Variants in DECR1 observed in about 807,000 individuals in gnomAD.
DECR1 encodes the protein 2,4-dienoyl-CoA reductase 1, also known as 2,4-dienoyl-CoA reductase [(3E)-enoyl-CoA-producing], mitochondrial.
In DECR1, 44 loss-of-function variants were observed where a neutral mutation model predicts 38.8. That is an observed-to-expected ratio of 1.13 (90% CI 0.89 to 1.46). The LOEUF (loss-of-function observed/expected upper bound fraction) is 1.46. Among genes scored for constraint, DECR1 ranks in the 40% most tolerant of loss-of-function variants. The probability of loss-of-function intolerance (pLI) is 0.00; values close to 1 mark genes in which losing one functional copy is unlikely to be tolerated. For missense variants in DECR1, 428 were observed against 405.5 expected (o/e 1.06, Z -0.48); for synonymous variants, 148 against 135.2 (o/e 1.09, Z -0.66).
chr8:90,025,906 A>T (rs1433354909), intron 5 of DECR1, among the ~76,000 whole-genome samples: 1 of 152,056 alleles, frequency 6.6e-6, no homozygotes, highest in Non-Finnish European at 1.5e-5. Flanking sequence ...ATCAATACCT[A>T]ATTTATTGAG....
intron 5 of DECR1, among the ~76,000 whole-genome samples, chr8:90,035,087 A>G (rs968174925): frequency 3.3e-5 from 5 of 151,960 alleles, no homozygotes; most frequent in African/African-American, 1.2e-4. Context: ...GACAATGAAA[A>G]TTTTTGTCTG....
At chr8:90,034,952 A>G (rs1213991265) in intron 5 of DECR1, among the ~76,000 whole-genome samples, 1 of 152,102 alleles carries the variant, frequency 6.6e-6, no homozygotes, top group Non-Finnish European at 1.5e-5. Flanking sequence ...TATCATTTTC[A>G]TATCACCTTG....
intron 5 of DECR1, among the ~76,000 whole-genome samples, chr8:90,033,580 C>T (rs1381000815): frequency 6.6e-6 from 1 of 152,142 alleles, no homozygotes; most frequent in Non-Finnish European, 1.5e-5. Flanking sequence ...AATTGTTTCA[C>T]CTTGCAGCAT....
rs748763136 is a variant in DECR1 at position 90,042,705 on chromosome 8, ATGTT to A, written c.666-22_666-19del. The A allele has an allele frequency of 6.3e-7, 1 of 1,590,128 alleles. No individual in the cohort carries two copies. Among genetic ancestry groups the A allele is most frequent in the Non-Finnish European group, 8.6e-7 (1 of 1,158,844 alleles). On this transcript the variant is annotated intron_variant, in intron 6 of 9. Coordinates refer to ENST00000220764, the MANE Select transcript of DECR1 (RefSeq NM_001359.2). ...CATATGGTATAATATTTCAGAATGT[ATGTT>A]GTTGATTTTAATTTTTAGGTCTCTT...
chr8:90,020,540 C>A (rs1254038265), intron 4 of DECR1, among the ~76,000 whole-genome samples: 1 of 152,112 alleles, frequency 6.6e-6, no homozygotes, highest in African/African-American at 2.4e-5. Context: ...AGGCACGTGC[C>A]ACCACACCCA....
intron 5 of DECR1, among the ~76,000 whole-genome samples, chr8:90,032,021 T>C (rs965664088): frequency 5.9e-5 from 9 of 152,230 alleles, no homozygotes; most frequent in African/African-American, 2.2e-4. Flanking sequence ...ATATATCATA[T>C]GCTTATAATT....
At position 90,051,837 on chromosome 8, in the gene DECR1, G is replaced by A. The variant is rs762811591; in HGVS notation, c.949-1G>A. On this transcript the variant is annotated splice_acceptor_variant, in intron 9 of 9. Coordinates refer to ENST00000220764, the MANE Select transcript of DECR1 (RefSeq NM_001359.2). LOFTEE classifies it high-confidence loss of function. Reference sequence around the variant, plus strand: ...TTAAATTGACATCTTTTTTGTGTTAGGTCACCAAGGAGCAGTGGGACACCA... The same window carrying A: ...TTAAATTGACATCTTTTTTGTGTTAAGTCACCAAGGAGCAGTGGGACACCA... 3.1e-6 allele frequency: 5 copies of A among 1,613,594 alleles called. No individual in the cohort carries two copies. Among genetic ancestry groups the A allele is most frequent in the Non-Finnish European group, 4.2e-6 (5 of 1,179,808 alleles).
intron 5 of DECR1, among the ~76,000 whole-genome samples, chr8:90,031,084 A>G (rs984614864): frequency 1.3e-5 from 2 of 152,156 alleles, no homozygotes; most frequent in Admixed American, 6.6e-5. Context: ...ATAGTAGTTA[A>G]GAGTGCAGGC....
intron 2 of DECR1, 98 bp downstream of exon 2, chr8:90,017,424 A>G: frequency 1.3e-6 from 1 of 772,254 alleles, no homozygotes; most frequent in South Asian, 2.5e-5. Context: ...TTTGATTAGC[A>G]TCTTAATCTT....
At chr8:90,038,141 T>A (rs1586160289) in intron 6 of DECR1, among the ~76,000 whole-genome samples, 2 of 152,256 alleles carry the variant, frequency 1.3e-5, no homozygotes, top group East Asian at 3.8e-4. Context: ...GTCCTCGTTG[T>A]TAGCTGAGCT....
chr8:90,032,775 C>T (rs902098527), intron 5 of DECR1, among the ~76,000 whole-genome samples: 1 of 152,156 alleles, frequency 6.6e-6, no homozygotes, highest in African/African-American at 2.4e-5. Context: ...TCAACAAATT[C>T]TTGGATGTGT....
chr8:90,050,339 CA>C (rs1215244034), intron 8 of DECR1, among the ~76,000 whole-genome samples: 1 of 152,180 alleles, frequency 6.6e-6, no homozygotes, highest in Non-Finnish European at 1.5e-5. Flanking sequence ...AAAAATCAAA[CA>C]ACCCCATCAC....
intron 8 of DECR1, among the ~76,000 whole-genome samples, chr8:90,049,537 CAA>C (rs1295294047): frequency 6.6e-6 from 1 of 152,144 alleles, no homozygotes. Context: ...AGGACACAAA[CAA>C]ATGGAAGAAC....
intron 1 of DECR1, among the ~76,000 whole-genome samples, chr8:90,014,299 C>G (rs76428784): frequency 6.6e-6 from 1 of 152,102 alleles, no homozygotes; most frequent in African/African-American, 2.4e-5. Context: ...CTTGTAGAAA[C>G]GGGATTGAAT....
chr8:90,029,941 G>C (rs1452947010), intron 5 of DECR1, among the ~76,000 whole-genome samples: 4 of 152,068 alleles, frequency 2.6e-5, no homozygotes, highest in African/African-American at 9.7e-5. Context: ...TACCAGTTCA[G>C]GGGCTAGCAT....
intron 8 of DECR1, among the ~76,000 whole-genome samples, chr8:90,051,409 A>T (rs1814089202): frequency 1.3e-5 from 2 of 152,160 alleles, no homozygotes; most frequent in Non-Finnish European, 2.9e-5. Flanking sequence ...TCAAGTGATA[A>T]ATTAATAGAT....
rs568949779 is a variant in DECR1 at position 90,030,689 on chromosome 8, G to A, written c.566-6152G>A. ...GCATAGCAGAAGGCTTTCCTTATTC[G>A]TCAGTAGTGTGAGTGCAAGGTGTAT... On this transcript the variant is annotated intron_variant, in intron 5 of 9. Transcript: ENST00000220764. Among the ~76,000 whole-genome samples, 9 of 152,320 alleles carry A rather than the reference G, an allele frequency of 5.9e-5. No individual in the cohort carries two copies. The South Asian group carries it at 1.0e-3, about 18-fold the overall frequency.
chr8:90,006,688 GC>G (rs1363718438), intron 1 of DECR1, among the ~76,000 whole-genome samples: 2 of 152,182 alleles, frequency 1.3e-5, no homozygotes, highest in Non-Finnish European at 2.9e-5. Flanking sequence ...ATGGGGCTAT[GC>G]TCAGTGGTGA....
chr8:90,043,966 A>G (rs188089668), intron 7 of DECR1, among the ~76,000 whole-genome samples: 31 of 152,358 alleles, frequency 2.0e-4, no homozygotes, highest in Non-Finnish European at 4.1e-4. Context: ...ACGGGTACTG[A>G]GAAAGATACA....
Sources: allele counts gnomAD v4.1 joint callset (sites outside exome capture counted in the v4.1 genomes callset), GRCh38; gene constraint gnomAD v4.1.1; transcripts MANE v1.5; gene names NCBI Gene and HGNC (gene_info 2026-07-23, HGNC 2026-07-21).